Variants in PTPRD observed in about 807,000 individuals in gnomAD.
PTPRD encodes the protein receptor-type tyrosine-protein phosphatase delta.
Under a neutral mutation model 214.5 loss-of-function variants are expected in PTPRD, and 34 were observed. The ratio of observed to expected loss-of-function variants is 0.16; its 90% CI spans 0.12 to 0.21. PTPRD has a LOEUF of 0.21. Among genes scored for constraint, PTPRD ranks in the 10% least tolerant of loss-of-function variants. The pLI is 1.00. For missense variants in PTPRD, 2,545 were observed against 2,398.7 expected, an observed-to-expected ratio of 1.06 and a Z score of -1.27; for synonymous variants, 1,128 against 845.7, an observed-to-expected ratio of 1.33 and a Z score of -5.79.
rs75627683 is a variant in PTPRD, at chr9:9,978,044, T to C, written c.-471-39434A>G. ...AAAGAGAACTATCAAAGTATAACTT[T>C]TCTCAAGTCCATCAGATAGCTGATA... On this transcript the variant is annotated intron_variant, in intron 4 of 45. Coordinates refer to ENST00000381196, the MANE Select transcript of PTPRD (RefSeq NM_002839.4). Among the ~76,000 whole-genome samples, 869 of 152,204 alleles carry C rather than the reference T, an allele frequency of 5.7e-3. 3 individuals carry two copies. Among genetic ancestry groups the C allele is most frequent in the African/African-American group, 0.019 (809 of 41,550 alleles).
At chr9:10,242,979 T>A (rs563448946) in intron 3 of PTPRD, among the ~76,000 whole-genome samples, 1 of 151,888 alleles carries the variant, frequency 6.6e-6, no homozygotes, top group South Asian at 2.1e-4. Context: ...GATATGGTTA[T>A]GTTTCAAAAA....
At chr9:8,682,878 T>C (rs1208986279) in intron 12 of PTPRD, among the ~76,000 whole-genome samples, 1 of 152,048 alleles carries the variant, frequency 6.6e-6, no homozygotes, top group Admixed American at 6.6e-5. Flanking sequence ...TGAGTTGTTG[T>C]TTATTTTTTT....
At chr9:10,511,623 T>C (rs548806171) in intron 2 of PTPRD, among the ~76,000 whole-genome samples, 4 of 146,192 alleles carry the variant, frequency 2.7e-5, no homozygotes, top group African/African-American at 7.7e-5. Context: ...ATCATGTTGG[T>C]CAGGCTGGTC....
chr9:10,342,840 C>T (rs1252245768), intron 2 of PTPRD, among the ~76,000 whole-genome samples: 1 of 151,996 alleles, frequency 6.6e-6, no homozygotes, highest in Non-Finnish European at 1.5e-5. Flanking sequence ...ATCTACTTAC[C>T]AGCATATGTC....
Position 8,940,280 on chromosome 9 carries a change from C to CTCCTTTGTT in PTPRD, c.-104+78416_-104+78417insAACAAAGGA, listed in dbSNP as rs2099023955. Among the ~76,000 whole-genome samples the CTCCTTTGTT allele has an allele frequency of 5.2e-3, 466 of 89,042 alleles. 10 individuals carry two copies. The highest frequency in any genetic ancestry group is 0.019 in the African/African-American group (433 of 22,896). The allele number at this position is 89,042 out of a possible 152,430, so 58.4% of individuals were successfully genotyped here. On this transcript the variant is annotated intron_variant, in intron 11 of 45. Coordinates refer to ENST00000381196, the MANE Select transcript of PTPRD (RefSeq NM_002839.4). ...TCACACATCTCTCTCTCTCTCTCTC[C>CTCCTTTGTT]TTTTTTTTTTTTTTTTTTTTGAGAT...
intron 7 of PTPRD, among the ~76,000 whole-genome samples, chr9:9,679,254 C>T (rs1012347194): frequency 3.3e-5 from 5 of 151,534 alleles, no homozygotes; most frequent in African/African-American, 4.8e-5. Flanking sequence ...CTCCTTCCCC[C>T]ACTCCCTTCA....
intron 11 of PTPRD, among the ~76,000 whole-genome samples, chr9:8,812,620 T>C (rs1285231285): frequency 6.6e-6 from 1 of 152,116 alleles, no homozygotes; most frequent in Non-Finnish European, 1.5e-5. Flanking sequence ...CTGACTTCAT[T>C]CCAACCTTCC....
intron 5 of PTPRD, among the ~76,000 whole-genome samples, chr9:9,773,811 G>C (rs1481701549): frequency 6.6e-6 from 1 of 152,050 alleles, no homozygotes; most frequent in Non-Finnish European, 1.5e-5. Flanking sequence ...ACAGGTGCAA[G>C]GCCCTTTTGG....
intron 5 of PTPRD, among the ~76,000 whole-genome samples, chr9:9,797,623 A>T (rs1003975121): frequency 2.0e-5 from 3 of 152,068 alleles, no homozygotes; most frequent in African/African-American, 7.2e-5. Context: ...AGGCGTGTGG[A>T]TCGCCTGAGG....
At chr9:9,826,448 T>C (rs188059134) in intron 5 of PTPRD, among the ~76,000 whole-genome samples, 1 of 152,096 alleles carries the variant, frequency 6.6e-6, no homozygotes, top group African/African-American at 2.4e-5. Flanking sequence ...ACTGGCTAGA[T>C]TTTATTTTCA....
chr9:8,432,223 A>G (rs2095104039), intron 35 of PTPRD, among the ~76,000 whole-genome samples: 1 of 152,218 alleles, frequency 6.6e-6, no homozygotes, highest in African/African-American at 2.4e-5. Flanking sequence ...GCCATTCTCA[A>G]ATTGAGACTA....
intron 8 of PTPRD, among the ~76,000 whole-genome samples, chr9:9,504,452 C>T (rs993895530): frequency 6.6e-6 from 1 of 151,494 alleles, no homozygotes; most frequent in East Asian, 1.9e-4. Context: ...AAGCCATATC[C>T]CCAACACACA....
rs558269552 is a variant in PTPRD at position 8,856,559 on chromosome 9, A to G, written c.-103-122613T>C. Among the ~76,000 whole-genome samples the G allele has an allele frequency of 1.1e-4, 16 of 152,216 alleles. No individual in the cohort carries two copies. The South Asian group carries it at 2.3e-3, about 22-fold the overall frequency. On this transcript the variant is annotated intron_variant, in intron 11 of 45. Transcript: ENST00000381196. ...CATGTAAATATATATATATAACTTT[A>G]AGAGGAAATACAAGGAGAACGAGCC...
chr9:10,178,886 T>C (rs2099265210), intron 3 of PTPRD, among the ~76,000 whole-genome samples: 1 of 151,862 alleles, frequency 6.6e-6, no homozygotes, highest in East Asian at 1.9e-4. Flanking sequence ...AACTACAATA[T>C]ATAGATAAGT....
chr9:8,469,399 G>A (rs1289993475), intron 31 of PTPRD, among the ~76,000 whole-genome samples: 1 of 151,630 alleles, frequency 6.6e-6, no homozygotes, highest in Non-Finnish European at 1.5e-5. Flanking sequence ...TTTTTTAATA[G>A]GTAGAACAAT....
At chr9:10,379,870 C>A (rs2097787899) in intron 2 of PTPRD, among the ~76,000 whole-genome samples, 1 of 151,928 alleles carries the variant, frequency 6.6e-6, no homozygotes, top group Admixed American at 6.6e-5. Flanking sequence ...TTGTCTGATT[C>A]TTTTTTAGTT....
chr9:8,704,529 T>A (rs1193110639), intron 12 of PTPRD, among the ~76,000 whole-genome samples: 1 of 152,166 alleles, frequency 6.6e-6, no homozygotes, highest in East Asian at 1.9e-4. Context: ...ATGGACTTAA[T>A]GTCTCCCTTA....
At chr9:9,750,468 C>A (rs901177621) in intron 6 of PTPRD, among the ~76,000 whole-genome samples, 2 of 152,130 alleles carry the variant, frequency 1.3e-5, no homozygotes, top group Non-Finnish European at 2.9e-5. Flanking sequence ...TCCAAAACTT[C>A]TCCTCCCTTT....
At chr9:9,599,428 T>C (rs2093597278) in intron 7 of PTPRD, among the ~76,000 whole-genome samples, 1 of 152,012 alleles carries the variant, frequency 6.6e-6, no homozygotes, top group African/African-American at 2.4e-5. Context: ...ACTCAAGCCC[T>C]TACCCGATGT....
Sources: allele counts gnomAD v4.1 joint callset (sites outside exome capture counted in the v4.1 genomes callset), GRCh38; gene constraint gnomAD v4.1.1; transcripts MANE v1.5; gene names NCBI Gene and HGNC (gene_info 2026-07-23, HGNC 2026-07-21).